CCDC12: variants seen among roughly 807,000 people sequenced by gnomAD.
CCDC12 encodes coiled-coil domain containing 12.
A neutral mutation model predicts 25.7 loss-of-function variants in CCDC12; 28 were observed. The ratio of observed to expected loss-of-function variants is 1.09; its 90% CI spans 0.81 to 1.50. CCDC12 has a LOEUF of 1.50. Among genes scored for constraint, CCDC12 ranks in the 40% most tolerant of loss-of-function variants. The pLI, the probability that CCDC12 is intolerant of heterozygous loss-of-function variation, is 0.00. For synonymous variants in CCDC12, 75 were observed against 87.7 expected, an observed-to-expected ratio of 0.86 and a Z score of 0.81; for missense variants, 198 against 210.0, an observed-to-expected ratio of 0.94 and a Z score of 0.35.
At chr3:46,976,599 G>T in intron 1 of CCDC12, 38 bp downstream of exon 1, 1 of 1,590,444 alleles carries the variant, frequency 6.3e-7, no homozygotes. Context: ...CCCGAACGCT[G>T]GACGCCTCAA....
At chr3:46,964,856 T>C (rs528369268) in intron 1 of CCDC12, among the ~76,000 whole-genome samples, 1 of 152,208 alleles carries the variant, frequency 6.6e-6, no homozygotes, top group African/African-American at 2.4e-5. Context: ...CCAGAGACCT[T>C]TGTTCACTTG....
At chr3:46,943,888 C>T (rs1352092118) in intron 1 of CCDC12, among the ~76,000 whole-genome samples, 1 of 152,146 alleles carries the variant, frequency 6.6e-6, no homozygotes, top group African/African-American at 2.4e-5. Flanking sequence ...AGCAGGTGAA[C>T]AAATGAACAG....
intron 1 of CCDC12, among the ~76,000 whole-genome samples, chr3:46,969,621 C>T (rs950402597): frequency 6.6e-6 from 1 of 152,144 alleles, no homozygotes; most frequent in Non-Finnish European, 1.5e-5. Flanking sequence ...CACAGATGGC[C>T]CCAAATCAGC....
upstream of CCDC12, among the ~76,000 whole-genome samples, chr3:46,977,288 C>A (rs887788023): frequency 6.6e-5 from 10 of 152,174 alleles, no homozygotes; most frequent in Non-Finnish European, 1.5e-4. Context: ...TCCTGGCCAA[C>A]ATGGTGAAAC....
upstream of CCDC12, chr3:46,976,908 G>A: frequency 3.5e-6 from 3 of 860,654 alleles, no homozygotes; most frequent in Admixed American, 7.0e-5. Context: ...GCCCCGCCCC[G>A]CCCCGCCCTT....
chr3:46,927,379 A>C (rs1259068554), intron 2 of CCDC12, among the ~76,000 whole-genome samples: 2 of 152,178 alleles, frequency 1.3e-5, no homozygotes, highest in Non-Finnish European at 2.9e-5. Context: ...TGCAGGGATT[A>C]GTAAGAAAAA....
intron 1 of CCDC12, chr3:46,976,308 T>C (rs1039576584): frequency 6.1e-5 from 74 of 1,222,530 alleles, no homozygotes; most frequent in Non-Finnish European, 7.3e-5. Context: ...AAATCACGCC[T>C]AACCCAACAA....
At chr3:46,976,150 T>C (rs1403624725) in intron 1 of CCDC12, 2 of 254,232 alleles carry the variant, frequency 7.9e-6, no homozygotes, top group Non-Finnish European at 1.3e-5. Context: ...CCGGCCTCTT[T>C]TTGATTTTTG....
chr3:46,937,943 T>C (rs1408718835), intron 2 of CCDC12, among the ~76,000 whole-genome samples: 1 of 152,194 alleles, frequency 6.6e-6, no homozygotes, highest in Non-Finnish European at 1.5e-5. Context: ...TTGCTAAGGC[T>C]AGGCTTCCTG....
chr3:46,941,289 G>A (rs4682841), intron 1 of CCDC12, among the ~76,000 whole-genome samples: 144,389 of 152,152 alleles, frequency 0.95, 69,014 homozygotes, highest in East Asian at 1. Context: ...TTGGCTGGGC[G>A]CGGTGGCTCA....
chr3:46,933,773 T>A (rs920186403), intron 2 of CCDC12, among the ~76,000 whole-genome samples: 1 of 152,234 alleles, frequency 6.6e-6, no homozygotes, highest in Non-Finnish European at 1.5e-5. Flanking sequence ...GCTGCCATAA[T>A]TTCATGAAAG....
At chr3:46,976,994 A>G (rs1186424513), upstream of CCDC12, 1 of 561,084 alleles carries the variant, frequency 1.8e-6, no homozygotes, top group African/African-American at 1.9e-5. Context: ...CTAAGGCTCG[A>G]TTTATCCAAC....
At chr3:46,942,429 G>A (rs1363735454) in intron 1 of CCDC12, among the ~76,000 whole-genome samples, 1 of 152,224 alleles carries the variant, frequency 6.6e-6, no homozygotes, top group Non-Finnish European at 1.5e-5. Context: ...CCTTCCATTG[G>A]GAGCCTGCTC....
intron 1 of CCDC12, among the ~76,000 whole-genome samples, chr3:46,960,579 T>A (rs911939517): frequency 6.6e-6 from 1 of 152,066 alleles, no homozygotes; most frequent in Non-Finnish European, 1.5e-5. Context: ...AGCCCAGGAG[T>A]GTGGATGTTA....
intron 1 of CCDC12, among the ~76,000 whole-genome samples, chr3:46,963,084 T>C (rs2034510705): frequency 6.6e-6 from 1 of 152,182 alleles, no homozygotes; most frequent in Non-Finnish European, 1.5e-5. Flanking sequence ...GAAAACTACA[T>C]ACTGTTTAAT....
At chr3:46,941,175 G>A (rs2033687344) in intron 1 of CCDC12, 110 bp from the exon 2 acceptor site, 9 of 979,112 alleles carry the variant, frequency 9.2e-6, no homozygotes, top group Non-Finnish European at 1.3e-5. Context: ...CACCTGGCAG[G>A]GCCCAGCTTG....
chr3:46,930,764 G>A (rs1575539198), intron 2 of CCDC12, among the ~76,000 whole-genome samples: 1 of 152,308 alleles, frequency 6.6e-6, no homozygotes, highest in African/African-American at 2.4e-5. Context: ...GCCAGCTCCA[G>A]GAGGTGGCCC....
At chr3:46,922,407 T>C (rs1231124304) in intron 5 of CCDC12, 95 bp from the exon 6 acceptor site, 2 of 1,384,898 alleles carry the variant, frequency 1.4e-6, no homozygotes, top group Admixed American at 1.7e-5. Flanking sequence ...GCATTAGGAG[T>C]CATGCTCGGT....
chr3:46,975,799 G>A (rs1269804094), intron 1 of CCDC12, among the ~76,000 whole-genome samples: 1 of 146,298 alleles, frequency 6.8e-6, no homozygotes, highest in Non-Finnish European at 1.5e-5. Context: ...CCAAAGTACT[G>A]GGCGCGTGAG....
Sources: allele counts gnomAD v4.1 joint callset (sites outside exome capture counted in the v4.1 genomes callset), GRCh38; gene constraint gnomAD v4.1.1; transcripts MANE v1.5; gene names NCBI Gene and HGNC (gene_info 2026-07-23, HGNC 2026-07-21).